GRB10: variants seen among roughly 807,000 people sequenced by gnomAD.
GRB10 encodes growth factor receptor-bound protein 10.
GRB10 carries 20 observed loss-of-function variants against 80.9 expected under a neutral mutation model. That is an observed-to-expected ratio of 0.25 (90% CI 0.17 to 0.36). The LOEUF is 0.36. Ranked by LOEUF, GRB10 falls within the 10% of genes least tolerant of loss-of-function variation. The probability of loss-of-function intolerance (pLI) is 1.00; values close to 1 mark genes in which losing one functional copy is unlikely to be tolerated. For synonymous variants in GRB10, 291 were observed against 291.5 expected, an observed-to-expected ratio of 1.00 and a Z score of 0.02; for missense variants, 548 against 747.7, an observed-to-expected ratio of 0.73 and a Z score of 3.12.
chr7:50,786,842 C>T (rs2078713533), upstream of GRB10, among the ~76,000 whole-genome samples: 1 of 152,172 alleles, frequency 6.6e-6, no homozygotes, highest in South Asian at 2.1e-4. Flanking sequence ...AAGAAAGACT[C>T]CAAGACAACA....
chr7:50,627,778 AAGC>A (rs770537737), intron 7 of GRB10, among the ~76,000 whole-genome samples: 7 of 152,212 alleles, frequency 4.6e-5, no homozygotes, highest in Non-Finnish European at 8.8e-5. Context: ...AGCCCGGAAA[AAGC>A]AGTCAGAGGA....
chr7:50,763,718 C>A (rs1435388365), intron 2 of GRB10, among the ~76,000 whole-genome samples: 1 of 152,230 alleles, frequency 6.6e-6, no homozygotes, highest in Non-Finnish European at 1.5e-5. Context: ...TGCCTTCCAT[C>A]CATGTAATCC....
intron 7 of GRB10, among the ~76,000 whole-genome samples, chr7:50,641,658 G>T (rs537296130): frequency 1.3e-3 from 194 of 152,344 alleles, no homozygotes; most frequent in Admixed American, 3.5e-3. Flanking sequence ...GGAACCATGA[G>T]TTCCAGACAC....
intron 7 of GRB10, among the ~76,000 whole-genome samples, chr7:50,647,235 C>T (rs907691197): frequency 6.6e-6 from 1 of 152,202 alleles, no homozygotes; most frequent in African/African-American, 2.4e-5. Context: ...AAAAGCAGAT[C>T]AAAATAGTTA....
intron 8 of GRB10, among the ~76,000 whole-genome samples, chr7:50,622,152 A>G (rs2051890261): frequency 6.6e-6 from 1 of 152,248 alleles, no homozygotes; most frequent in Admixed American, 6.5e-5. Flanking sequence ...GAAACTGTCA[A>G]CAGAGTAATC....
intron 3 of GRB10, among the ~76,000 whole-genome samples, chr7:50,741,489 A>G (rs766929601): frequency 5.3e-5 from 8 of 149,942 alleles, no homozygotes; most frequent in Non-Finnish European, 1.2e-4. Context: ...CCGTAGGCCA[A>G]TGTGCCAAGG....
chr7:50,667,061 A>AC (rs2059895059), intron 7 of GRB10, among the ~76,000 whole-genome samples: 1 of 150,182 alleles, frequency 6.7e-6, no homozygotes, highest in Non-Finnish European at 1.5e-5. Flanking sequence ...AAAAAAAAAA[A>AC]GGAGAGAGGC....
chr7:50,616,484 C>G, intron 10 of GRB10, 137 bp from the exon 11 acceptor site: 1 of 821,576 alleles, frequency 1.2e-6, no homozygotes, highest in Non-Finnish European at 2.0e-6. Flanking sequence ...TTCTCCTTTC[C>G]AAAGTCTTAA....
chr7:50,736,938 T>C (rs1370314741), intron 3 of GRB10, among the ~76,000 whole-genome samples: 12 of 152,200 alleles, frequency 7.9e-5, no homozygotes, highest in Non-Finnish European at 1.5e-4. Flanking sequence ...ATAAAACTCT[T>C]AGAAGTAAAG....
In GRB10 at chr7:50,676,309, G is replaced by A. The variant is rs138890400; in HGVS notation, c.140-1651C>T. On this transcript the variant is annotated intron_variant, in intron 5 of 18. Transcript: ENST00000401949. ...TCTTAAGAGTCCTCAACTCTAACAT[G>A]AGCTTAGCAATAGTGTCCACCCCAC... Among the ~76,000 whole-genome samples the A allele has an allele frequency of 5.7e-4, 80 of 140,890 alleles. 1 individual carries two copies. The East Asian group carries it at 0.015, about 27-fold the overall frequency. The allele number at this position is 140,890 out of a possible 152,430, so 92.4% of individuals were successfully genotyped here. A position where few individuals can be genotyped will look rare whatever the true frequency, so the allele number is the denominator to read the frequency against.
chr7:50,713,644 CCCATCACCTCCACCTCCT>C (rs2066306821), intron 4 of GRB10, among the ~76,000 whole-genome samples: 6 of 54,456 alleles, frequency 1.1e-4, no homozygotes, highest in Non-Finnish European at 2.3e-4. Context: ...CTCCACCTCC[CCCATCACCTCCACCTCCT>C]CCACCACCAC....
intron 2 of GRB10, among the ~76,000 whole-genome samples, chr7:50,777,427 T>TAAACACACACACAC (rs1165846037): frequency 4.1e-5 from 1 of 24,436 alleles, no homozygotes; most frequent in Non-Finnish European, 9.4e-5. Context: ...CAGCAATCTG[T>TAAACACACACACAC]ATACACACAC....
chr7:50,699,906 C>T (rs901649278), intron 5 of GRB10, among the ~76,000 whole-genome samples: 9 of 152,118 alleles, frequency 5.9e-5, no homozygotes, highest in East Asian at 3.9e-4. Context: ...GAGGCCGAGG[C>T]GGGCAGATCA....
intron 7 of GRB10, among the ~76,000 whole-genome samples, chr7:50,641,229 T>A (rs1041939395): frequency 6.6e-6 from 1 of 151,062 alleles, no homozygotes; most frequent in African/African-American, 2.5e-5. Flanking sequence ...TAGGAAAGAG[T>A]TGCTTGCATC....
At chr7:50,736,517 G>A (rs2070816872) in intron 3 of GRB10, among the ~76,000 whole-genome samples, 1 of 152,212 alleles carries the variant, frequency 6.6e-6, no homozygotes, top group African/African-American at 2.4e-5. Flanking sequence ...TGGGGGCTGA[G>A]TATGGTGGCT....
At chr7:50,716,381 G>A (rs1366902332) in intron 4 of GRB10, among the ~76,000 whole-genome samples, 1 of 151,956 alleles carries the variant, frequency 6.6e-6, no homozygotes, top group East Asian at 1.9e-4. Context: ...TAAAAGAATA[G>A]CCCCCTCCCA....
At chr7:50,661,384 G>A (rs2059255447) in intron 7 of GRB10, among the ~76,000 whole-genome samples, 1 of 152,142 alleles carries the variant, frequency 6.6e-6, no homozygotes, top group South Asian at 2.1e-4. Context: ...TTACTAACAG[G>A]GTTAAACTAT....
intron 3 of GRB10, among the ~76,000 whole-genome samples, chr7:50,738,185 C>T (rs1402301596): frequency 6.6e-6 from 1 of 152,172 alleles, no homozygotes; most frequent in Non-Finnish European, 1.5e-5. Context: ...AATGGTGTTG[C>T]TGTGGTTGAA....
At chr7:50,690,053 T>A (rs2062616230) in intron 5 of GRB10, among the ~76,000 whole-genome samples, 1 of 151,704 alleles carries the variant, frequency 6.6e-6, no homozygotes, top group African/African-American at 2.4e-5. Flanking sequence ...TCCCAGCACT[T>A]TGGGAGGCCA....
Sources: gnomAD v4.1 joint callset for allele counts (sites outside exome capture counted in the v4.1 genomes callset) on GRCh38, gnomAD v4.1.1 for gene constraint, MANE v1.5 for transcripts, NCBI Gene and HGNC (gene_info 2026-07-23, HGNC 2026-07-21) for gene names.